The following BICRAL variants were observed in gnomAD, a reference collection of about 807,000 sequenced individuals.
BICRAL encodes BICRA like chromatin remodeling complex associated protein.
A neutral mutation model predicts 91.8 loss-of-function variants in BICRAL; 8 were observed. The observed-to-expected ratio is 0.09, with a 90% CI of 0.05 to 0.16. The LOEUF (loss-of-function observed/expected upper bound fraction) is 0.16. Among genes scored for constraint, BICRAL ranks in the 10% least tolerant of loss-of-function variants. The probability of loss-of-function intolerance (pLI) is 1.00; values close to 1 mark genes in which losing one functional copy is unlikely to be tolerated. For synonymous variants in BICRAL, 445 were observed against 491.1 expected (o/e 0.91, Z 1.24); for missense variants, 1,038 against 1,310.9 (o/e 0.79, Z 3.21).
intron 1 of BICRAL, chr6:42,747,158 G>C (rs933000432): frequency 2.0e-5 from 3 of 152,170 alleles, no homozygotes; most frequent in South Asian, 2.1e-4. Context: ...GCCTAAAGTC[G>C]GGACCAACCC....
intron 1 of BICRAL, among the ~76,000 whole-genome samples, chr6:42,769,291 C>T (rs1762685171): frequency 6.6e-6 from 1 of 152,218 alleles, no homozygotes; most frequent in Admixed American, 6.5e-5. Context: ...CTGGAGACTT[C>T]AGTTCCTCAC....
At chr6:42,761,089 C>T (rs1313540726) in intron 1 of BICRAL, among the ~76,000 whole-genome samples, 1 of 152,194 alleles carries the variant, frequency 6.6e-6, no homozygotes, top group Non-Finnish European at 1.5e-5. Context: ...CTTTTCTGCA[C>T]CTGTTCTCTC....
intron 5 of BICRAL, among the ~76,000 whole-genome samples, chr6:42,823,271 G>A (rs1002183588): frequency 7.2e-5 from 11 of 151,996 alleles, no homozygotes; most frequent in African/African-American, 9.7e-5. Context: ...GACTACAGGC[G>A]CATGCCACAC....
At chr6:42,863,104 C>T in intron 12 of BICRAL, among the ~76,000 whole-genome samples, 1 of 142,390 alleles carries the variant, frequency 7.0e-6, no homozygotes. Context: ...GGCTGGAGTT[C>T]AGTGGCGGAT....
chr6:42,798,512 C>T (rs926918952), intron 1 of BICRAL, among the ~76,000 whole-genome samples: 3 of 152,204 alleles, frequency 2.0e-5, no homozygotes, highest in African/African-American at 2.4e-5. Flanking sequence ...GCCTGGCCAA[C>T]GTGGTGAAAC....
At chr6:42,819,035 G>T (rs1050063667) in intron 2 of BICRAL, among the ~76,000 whole-genome samples, 9 of 152,130 alleles carry the variant, frequency 5.9e-5, no homozygotes, top group African/African-American at 2.2e-4. Context: ...AAGACGTCTT[G>T]CTCATGTCTG....
At chr6:42,858,851 G>A (rs896538979) in intron 10 of BICRAL, among the ~76,000 whole-genome samples, 39 of 151,998 alleles carry the variant, frequency 2.6e-4, no homozygotes, top group Non-Finnish European at 4.6e-4. Context: ...ATAATTTAGA[G>A]ATAAGAGCCC....
chr6:42,824,145 C>G (rs973372819), intron 5 of BICRAL, among the ~76,000 whole-genome samples: 1 of 151,448 alleles, frequency 6.6e-6, no homozygotes, highest in East Asian at 2.0e-4. Flanking sequence ...GCAGGAGAAT[C>G]GCTTGAACCA....
chr6:42,809,001 A>T, intron 1 of BICRAL, among the ~76,000 whole-genome samples: 1 of 151,446 alleles, frequency 6.6e-6, no homozygotes. Context: ...CCCCCATGTT[A>T]TAGCACATTT....
At chr6:42,785,098 A>G (rs1173406689) in intron 1 of BICRAL, among the ~76,000 whole-genome samples, 3 of 152,162 alleles carry the variant, frequency 2.0e-5, no homozygotes, top group South Asian at 4.1e-4. Context: ...CCATTTATCA[A>G]ATCGAAATTA....
intron 1 of BICRAL, among the ~76,000 whole-genome samples, chr6:42,773,003 G>T (rs1192629947): frequency 6.6e-6 from 1 of 152,026 alleles, no homozygotes; most frequent in Non-Finnish European, 1.5e-5. Context: ...GCAGGAGAAT[G>T]ATTACCCAAT....
intron 6 of BICRAL, among the ~76,000 whole-genome samples, chr6:42,833,299 C>G (rs751052067): frequency 5.9e-5 from 9 of 152,156 alleles, no homozygotes; most frequent in African/African-American, 4.8e-5. Flanking sequence ...CCACCTGCTT[C>G]AGCCTCCCAA....
Position 42,864,694 on chromosome 6 carries a change from C to T in BICRAL, c.2488C>T (p.Leu830Phe). The stretch of plus-strand genomic sequence containing the variant: ...GGCTGATTTCTGTTGTTCCTTCAAA[C>T]TTGATAAAGCTGCTCATGAGACACA... Reference protein sequence around the residue: ...FQADFCCSFKLDKAAHETQFG... With the variant: ...FQADFCCSFKFDKAAHETQFG... The change falls in exon 13 of 13, where the codon CTT becomes TTT. Residue 830 changes from leucine to phenylalanine, a missense_variant. Physicochemically the swap from Leu to Phe is conservative, Grantham distance 22. This residue lies in a region of BICRAL where 294 missense variants were observed against 292.6 expected (regional missense o/e 1.00). Transcript: ENST00000314073. 1 of 1,613,816 alleles carries T rather than the reference C, an allele frequency of 6.2e-7. No individual in the cohort carries two copies. Among genetic ancestry groups the T allele is most frequent in the Non-Finnish European group, 8.5e-7 (1 of 1,179,880 alleles).
At chr6:42,753,392 A>G (rs1042983290) in intron 1 of BICRAL, among the ~76,000 whole-genome samples, 2 of 151,918 alleles carry the variant, frequency 1.3e-5, no homozygotes, top group Non-Finnish European at 2.9e-5. Context: ...AAGAGTTACA[A>G]GGAGCCCACT....
At position 42,852,470 on chromosome 6, in the gene BICRAL, C is replaced by A. The variant is rs766115486; in HGVS notation, c.1945+273C>A. 2.2e-5 allele frequency: 12 copies of A among 551,324 alleles called. No homozygotes were observed. In the Admixed American group the frequency reaches 2.7e-4, roughly 12 times the overall value. 34.2% of individuals were successfully genotyped at this position (551,324 alleles called of 1,614,324 possible). Reference sequence around the variant, plus strand: ...TGAGATCAGGAGTTCAAGACCAGCCCGACCAACATGATGAAACCCCATCTC... The same window carrying A: ...TGAGATCAGGAGTTCAAGACCAGCCAGACCAACATGATGAAACCCCATCTC... On this transcript the variant is annotated intron_variant, in intron 7 of 12. Transcript: ENST00000314073.
In BICRAL at chr6:42,783,287, C is replaced by T. The variant is rs1461655506; in HGVS notation, c.-102+1186C>T. Reference sequence around the variant, plus strand: ...CCGCGCGGAGGACCGGCGGCCCAGCCGGGCGTCTCCTGCGAGGCCCGCGCT... The same window carrying T: ...CCGCGCGGAGGACCGGCGGCCCAGCTGGGCGTCTCCTGCGAGGCCCGCGCT... On this transcript the variant is annotated intron_variant, in intron 1 of 12. Transcript: ENST00000314073. Among the ~76,000 whole-genome samples, 4 of 152,112 alleles carry T rather than the reference C, an allele frequency of 2.6e-5. No homozygotes were observed. In the East Asian group the frequency reaches 7.7e-4, roughly 29 times the overall value.
At position 42,829,452 on chromosome 6, in the gene BICRAL, C is replaced by T; in HGVS notation, c.1119C>T (p.Val373=). 2 of 1,614,210 alleles carry T rather than the reference C, an allele frequency of 1.2e-6. No individual in the cohort carries two copies. The highest frequency in any genetic ancestry group is 1.7e-6 in the Non-Finnish European group (2 of 1,180,042). Residue 373 remains valine (V), a synonymous_variant, in exon 6 of 13, where the codon GTC becomes GTT. Transcript: ENST00000314073. ...ACCAACAGAACACAAGAAAGCCAGT[C>T]ACCTCACAGGCAGTGAGCAGCACTG... ...IVNQQNTRKP[V]TSQAVSSTGG...
intron 1 of BICRAL, among the ~76,000 whole-genome samples, chr6:42,801,807 C>T (rs1008034919): frequency 6.6e-6 from 1 of 151,844 alleles, no homozygotes; most frequent in African/African-American, 2.4e-5. Flanking sequence ...TGCTTGAACC[C>T]AGGAGGCCAA....
intron 6 of BICRAL, among the ~76,000 whole-genome samples, chr6:42,851,249 T>A (rs1375799538): frequency 6.6e-6 from 1 of 152,146 alleles, no homozygotes; most frequent in African/African-American, 2.4e-5. Flanking sequence ...AGGCTGGGCA[T>A]GGTGGTGCAT....
Sources: allele counts gnomAD v4.1 joint callset (sites outside exome capture counted in the v4.1 genomes callset), GRCh38; gene constraint gnomAD v4.1.1; regional missense constraint gnomAD v4.1.1; transcripts MANE v1.5; gene names NCBI Gene and HGNC (gene_info 2026-07-23, HGNC 2026-07-21).